Variants in ZNF536 observed in about 807,000 individuals in gnomAD.
ZNF536 encodes the protein zinc finger protein 536.
Under a neutral mutation model 84.5 loss-of-function variants are expected in ZNF536, and 13 were observed. That is an observed-to-expected ratio of 0.15 (90% CI 0.10 to 0.24). The LOEUF (loss-of-function observed/expected upper bound fraction) is 0.24. ZNF536 is among the 10% of genes least tolerant of loss of function. The probability of loss-of-function intolerance (pLI) is 1.00; values close to 1 mark genes in which losing one functional copy is unlikely to be tolerated. For synonymous variants in ZNF536, 811 were observed against 742.5 expected (o/e 1.09, Z -1.50); for missense variants, 1,536 against 1,747.5 (o/e 0.88, Z 2.16).
At chr19:30,686,516 C>CTGGCACCG (rs1346393774) in intron 1 of ZNF536, among the ~76,000 whole-genome samples, 1 of 152,224 alleles carries the variant, frequency 6.6e-6, no homozygotes, top group Non-Finnish European at 1.5e-5. Context: ...GTGGCCTCCC[C>CTGGCACCG]TGGCACCGTG....
upstream of ZNF536, among the ~76,000 whole-genome samples, chr19:30,227,793 C>T (rs536658502): frequency 6.6e-6 from 1 of 151,878 alleles, no homozygotes; most frequent in Non-Finnish European, 1.5e-5. Flanking sequence ...CGACAGGGGC[C>T]GCGTTTGCTG....
intron 1 of ZNF536, among the ~76,000 whole-genome samples, chr19:30,571,612 G>A (rs1416683984): frequency 1.3e-5 from 2 of 152,150 alleles, no homozygotes; most frequent in Non-Finnish European, 2.9e-5. Context: ...CTTGGTGCTG[G>A]CCCTACATGT....
intron 1 of ZNF536, among the ~76,000 whole-genome samples, chr19:30,414,152 A>G (rs2050616051): frequency 6.7e-6 from 1 of 150,044 alleles, no homozygotes; most frequent in Non-Finnish European, 1.5e-5. Flanking sequence ...GCCTCAAATT[A>G]TATTTTATAT....
chr19:30,328,668 C>A (rs962472500), intron 2 of ZNF536, among the ~76,000 whole-genome samples: 8 of 152,174 alleles, frequency 5.3e-5, no homozygotes, highest in African/African-American at 1.9e-4. Flanking sequence ...TGTGATGATT[C>A]CACCCTATAG....
Position 30,548,051 on chromosome 19 carries a change from C to G in ZNF536, c.2432C>G (p.Pro811Arg), listed in dbSNP as rs778721262. Residue 811 changes from proline (P) to arginine (R), a missense_variant, in exon 4 of 5, where the codon CCG (proline) becomes CGG (arginine). Physicochemically the swap from Pro to Arg is moderately radical, Grantham distance 103. Around this residue, in one of 8 missense-constraint regions of ZNF536, gnomAD observed 148 missense variants for 205.4 expected, o/e 0.72. Transcript: ENST00000355537. Reference sequence around the variant, plus strand: ...CGGGAGCGGCAGAACGGGGCTGGGCCGCTGTCTGGGCAACCCCCAAATCAA... The same window carrying G: ...CGGGAGCGGCAGAACGGGGCTGGGCGGCTGTCTGGGCAACCCCCAAATCAA... ...HHRERQNGAG[P>R]LSGQPPNQDH... 3.1e-6 allele frequency: 5 copies of G among 1,613,990 alleles called. No homozygotes were observed. Among genetic ancestry groups the G allele is most frequent in the Non-Finnish European group, 4.2e-6 (5 of 1,180,036 alleles).
intron 1 of ZNF536, among the ~76,000 whole-genome samples, chr19:30,420,474 A>G (rs767293715): frequency 2.0e-5 from 3 of 152,318 alleles, no homozygotes; most frequent in Non-Finnish European, 2.9e-5. Context: ...AAAGTCTGCA[A>G]TGTGGGATTC....
intron 1 of ZNF536, among the ~76,000 whole-genome samples, chr19:30,407,407 G>A (rs1471154431): frequency 6.6e-6 from 1 of 152,062 alleles, no homozygotes; most frequent in Admixed American, 6.5e-5. Context: ...TGTCAGGGTG[G>A]GGGGCTCCCC....
At chr19:30,537,586 C>CG (rs71735024) in intron 3 of ZNF536, among the ~76,000 whole-genome samples, 11 of 152,034 alleles carry the variant, frequency 7.2e-5, no homozygotes, top group African/African-American at 2.7e-4. Context: ...GTCAGCTTCC[C>CG]GGGGGGTAAG....
chr19:30,241,815 C>T (rs1165891281), intron 1 of ZNF536, among the ~76,000 whole-genome samples: 1 of 152,132 alleles, frequency 6.6e-6, no homozygotes, highest in Non-Finnish European at 1.5e-5. Context: ...ACCGTGCCCA[C>T]GAAGACTAGG....
intron 2 of ZNF536, among the ~76,000 whole-genome samples, chr19:30,456,256 A>G (rs148874918): frequency 4.7e-4 from 71 of 151,766 alleles, no homozygotes; most frequent in African/African-American, 1.7e-3. Context: ...CTCTATATCT[A>G]TAAAATGGTT....
chr19:30,443,211 GT>G (rs1423611686), intron 1 of ZNF536, among the ~76,000 whole-genome samples: 1 of 152,088 alleles, frequency 6.6e-6, no homozygotes, highest in African/African-American at 2.4e-5. Context: ...ACAGGTACAG[GT>G]GCGACAATGG....
intron 1 of ZNF536, among the ~76,000 whole-genome samples, chr19:30,617,346 T>TTTTTTTTTTG (rs1330953334): frequency 1.4e-5 from 1 of 69,400 alleles, no homozygotes; most frequent in Non-Finnish European, 2.7e-5. Flanking sequence ...TTTTTTTTTT[T>TTTTTTTTTTG]TTTTTTTTTT....
chr19:30,403,906 C>G (rs745996306), intron 1 of ZNF536, among the ~76,000 whole-genome samples: 1 of 151,984 alleles, frequency 6.6e-6, no homozygotes, highest in Non-Finnish European at 1.5e-5. Flanking sequence ...TGGTGATGAC[C>G]GTAAATGTAA....
intron 1 of ZNF536, among the ~76,000 whole-genome samples, chr19:30,666,712 C>CT (rs1285193488): frequency 5.6e-5 from 8 of 142,398 alleles, no homozygotes; most frequent in African/African-American, 2.2e-4. Flanking sequence ...CCAGAAATAC[C>CT]TTTTAATTGC....
At chr19:30,251,195 C>T (rs968731534) in intron 1 of ZNF536, among the ~76,000 whole-genome samples, 3 of 152,124 alleles carry the variant, frequency 2.0e-5, no homozygotes, top group African/African-American at 4.8e-5. Flanking sequence ...TCCAGATAGG[C>T]GTGGTTCTAC....
At chr19:30,273,054 C>T (rs143782117) in intron 1 of ZNF536, among the ~76,000 whole-genome samples, 21 of 152,276 alleles carry the variant, frequency 1.4e-4, no homozygotes, top group African/African-American at 5.1e-4. Flanking sequence ...AGGTATGCAC[C>T]ACCACACCTG....
chr19:30,462,196 C>T (rs1183603938), intron 2 of ZNF536, among the ~76,000 whole-genome samples: 1 of 152,278 alleles, frequency 6.6e-6, no homozygotes, highest in South Asian at 2.1e-4. Flanking sequence ...CTGGCCCCAC[C>T]TAAGATGCTC....
rs868099637 is a variant in ZNF536, at chr19:30,548,544, C to T, written c.2925C>T (p.Pro975=). ...QRKSEKSQYE[P]LDLSVRPDAA... ...AGTCCGAGAAATCTCAGTATGAACC[C>T]CTGGACTTGTCTGTGCGGCCAGATG... is the stretch of plus-strand genomic sequence containing the variant. Residue 975 remains proline, a synonymous_variant, in exon 4 of 5, where the codon CCC becomes CCT. Transcript: ENST00000355537. 1.2e-6 allele frequency: 2 copies of T among 1,614,140 alleles called. No homozygotes were observed. Among genetic ancestry groups the T allele is most frequent in the Non-Finnish European group, 1.7e-6 (2 of 1,180,044 alleles).
At chr19:30,685,229 A>G (rs1263867058) in intron 1 of ZNF536, among the ~76,000 whole-genome samples, 1 of 152,184 alleles carries the variant, frequency 6.6e-6, no homozygotes, top group African/African-American at 2.4e-5. Context: ...TGAGGGTGCG[A>G]CTGCACCCCT....
Sources: gnomAD v4.1 joint callset for allele counts (sites outside exome capture counted in the v4.1 genomes callset) on GRCh38, gnomAD v4.1.1 for gene constraint, gnomAD v4.1.1 regional missense constraint, MANE v1.5 for transcripts, NCBI Gene and HGNC (gene_info 2026-07-23, HGNC 2026-07-21) for gene names.